Variants in LDLRAD3 observed in about 807,000 individuals in gnomAD.
The protein encoded by LDLRAD3 is low density lipoprotein receptor class A domain containing 3.
A neutral mutation model predicts 29.4 loss-of-function variants in LDLRAD3; 20 were observed. The ratio of observed to expected loss-of-function variants is 0.68; its 90% CI spans 0.48 to 0.99. The LOEUF is 0.99. Among genes scored for constraint, LDLRAD3 ranks in the 50% least tolerant of loss-of-function variants. The probability of loss-of-function intolerance (pLI) is 0.00; values close to 1 mark genes in which losing one functional copy is unlikely to be tolerated. For missense variants in LDLRAD3, 420 were observed against 454.3 expected (o/e 0.92, Z 0.69); for synonymous variants, 157 against 192.7 (o/e 0.81, Z 1.53).
intron 4 of LDLRAD3, among the ~76,000 whole-genome samples, chr11:36,111,306 A>G (rs892138146): frequency 1.3e-5 from 2 of 152,146 alleles, no homozygotes; most frequent in Non-Finnish European, 2.9e-5. Flanking sequence ...TCTAGGGGTG[A>G]GAAGAGTTTG....
chr11:36,223,019 C>T (rs1394527138), intron 4 of LDLRAD3, among the ~76,000 whole-genome samples: 1 of 152,164 alleles, frequency 6.6e-6, no homozygotes, highest in East Asian at 1.9e-4. Flanking sequence ...CTTCATTATC[C>T]ATGGATTATG....
chr11:36,135,977 C>A (rs76571464), intron 4 of LDLRAD3, among the ~76,000 whole-genome samples: 2,545 of 152,254 alleles, frequency 0.017, 89 homozygotes, highest in African/African-American at 0.058. Flanking sequence ...CCAAAAGTAC[C>A]CAACCAAGGA....
intron 1 of LDLRAD3, among the ~76,000 whole-genome samples, chr11:36,008,080 A>G (rs1851906999): frequency 6.6e-6 from 1 of 152,158 alleles, no homozygotes; most frequent in South Asian, 2.1e-4. Context: ...TAAAGTTGTT[A>G]TAAATATTAG....
intron 4 of LDLRAD3, among the ~76,000 whole-genome samples, chr11:36,191,576 C>CTCTCTCTCTCTATATA (rs377747518): frequency 9.4e-5 from 5 of 53,432 alleles, no homozygotes; most frequent in South Asian, 8.5e-4. Context: ...CTCTCTCTCT[C>CTCTCTCTCTCTATATA]TATATATATA....
Position 36,145,091 on chromosome 11 carries a change from C to T in LDLRAD3, c.454+46630C>T, listed in dbSNP as rs569949726. 1.4e-3 allele frequency among the ~76,000 whole-genome samples: 150 copies of T among 104,266 alleles called. 12 individuals are homozygous for T. The highest frequency in any genetic ancestry group is 2.3e-3 in the Non-Finnish European group (112 of 49,550). 68.4% of individuals were successfully genotyped at this position (104,266 alleles called of 152,430 possible). A position where few individuals can be genotyped will look rare whatever the true frequency, so the allele number is the denominator to read the frequency against. On this transcript the variant is annotated intron_variant, in intron 4 of 5. Coordinates refer to ENST00000315571, the MANE Select transcript of LDLRAD3 (RefSeq NM_174902.4). ...AGCCCCTCTGCCCGGCCAGCCGCCC[C>T]GTCCGGGAGGGAGGTTGGGGGGTCA...
At chr11:36,109,319 G>A (rs1312274581) in intron 4 of LDLRAD3, among the ~76,000 whole-genome samples, 4 of 151,792 alleles carry the variant, frequency 2.6e-5, no homozygotes, top group Admixed American at 6.6e-5. Context: ...AGGATGTTGC[G>A]CTCTCTCCCA....
At chr11:36,228,898 C>T (rs569819484) in intron 5 of LDLRAD3, among the ~76,000 whole-genome samples, 3 of 152,292 alleles carry the variant, frequency 2.0e-5, no homozygotes, top group East Asian at 3.9e-4. Context: ...ACTTGGTGGG[C>T]GACCTCATTC....
intron 2 of LDLRAD3, among the ~76,000 whole-genome samples, chr11:36,072,768 G>A (rs756449887): frequency 6.6e-6 from 1 of 152,192 alleles, no homozygotes; most frequent in South Asian, 2.1e-4. Context: ...GCACCTATGT[G>A]GACTGCCTGT....
intron 4 of LDLRAD3, among the ~76,000 whole-genome samples, chr11:36,167,576 G>C (rs1238964174): frequency 6.6e-6 from 1 of 152,112 alleles, no homozygotes; most frequent in Non-Finnish European, 1.5e-5. Flanking sequence ...TGGAGGTAAA[G>C]AGTAGAATCA....
Position 35,992,594 on chromosome 11 carries a change from C to T in LDLRAD3, c.47-43509C>T, listed in dbSNP as rs11600865. 6.3e-3 allele frequency among the ~76,000 whole-genome samples: 964 copies of T among 152,260 alleles called. 12 individuals carry two copies. The highest frequency in any genetic ancestry group is 0.034 in the Middle Eastern group (10 of 294). On this transcript the variant is annotated intron_variant, in intron 1 of 5. Coordinates refer to ENST00000315571, the MANE Select transcript of LDLRAD3 (RefSeq NM_174902.4). ...ATGCTAAATGAAAAGAAGCCAGTTA[C>T]AAAAGACCACATATTGTATCATTCA...
chr11:35,957,611 G>A (rs1851219198), intron 1 of LDLRAD3, among the ~76,000 whole-genome samples: 1 of 151,942 alleles, frequency 6.6e-6, no homozygotes. Context: ...GGCAGCCTGG[G>A]CAACATGGCG....
chr11:36,102,191 C>G (rs1450759599), intron 4 of LDLRAD3, among the ~76,000 whole-genome samples: 1 of 152,002 alleles, frequency 6.6e-6, no homozygotes, highest in Non-Finnish European at 1.5e-5. Context: ...CCCGGCCGAC[C>G]CACTGCCATC....
chr11:36,083,848 T>G (rs1486894685), intron 3 of LDLRAD3, among the ~76,000 whole-genome samples: 2 of 152,168 alleles, frequency 1.3e-5, no homozygotes, highest in Non-Finnish European at 2.9e-5. Context: ...TCTAAATGAT[T>G]ATGTCATCCT....
intron 1 of LDLRAD3, among the ~76,000 whole-genome samples, chr11:36,019,124 G>A (rs928581037): frequency 7.9e-5 from 12 of 152,048 alleles, no homozygotes; most frequent in African/African-American, 2.9e-4. Flanking sequence ...TGGAGAGTCC[G>A]GCTGTCTGTA....
chr11:35,994,963 C>T (rs1336193212), intron 1 of LDLRAD3, among the ~76,000 whole-genome samples: 2 of 152,220 alleles, frequency 1.3e-5, no homozygotes, highest in African/African-American at 4.8e-5. Context: ...TCCACTACAT[C>T]TGCAGTTACT....
intron 1 of LDLRAD3, among the ~76,000 whole-genome samples, chr11:35,973,566 G>C (rs1359498249): frequency 6.6e-6 from 1 of 152,102 alleles, no homozygotes; most frequent in Non-Finnish European, 1.5e-5. Context: ...CTGGGTTCAA[G>C]CTATTCTTCT....
At chr11:36,065,281 A>G (rs1852773288) in intron 2 of LDLRAD3, among the ~76,000 whole-genome samples, 1 of 152,168 alleles carries the variant, frequency 6.6e-6, no homozygotes, top group African/African-American at 2.4e-5. Context: ...CTAGGAACTG[A>G]ACTTTTTTTT....
At chr11:36,210,906 GCTTGATTTCTTC>G (rs1044664678) in intron 4 of LDLRAD3, among the ~76,000 whole-genome samples, 9 of 152,206 alleles carry the variant, frequency 5.9e-5, no homozygotes, top group African/African-American at 1.7e-4. Flanking sequence ...AGAGGGGTGT[GCTTGATTTCTTC>G]CTTGATTTCT....
At chr11:36,200,667 G>T (rs927125015) in intron 4 of LDLRAD3, among the ~76,000 whole-genome samples, 8 of 152,222 alleles carry the variant, frequency 5.3e-5, no homozygotes, top group African/African-American at 1.9e-4. Flanking sequence ...TGCCTGCTCT[G>T]CCACTTGCTG....
Sources: allele counts gnomAD v4.1 joint callset (sites outside exome capture counted in the v4.1 genomes callset), GRCh38; gene constraint gnomAD v4.1.1; transcripts MANE v1.5; gene names NCBI Gene and HGNC (gene_info 2026-07-23, HGNC 2026-07-21).